The following SLC14A2 variants were observed in gnomAD, a reference collection of about 807,000 sequenced individuals.
SLC14A2 encodes urea transporter 2.
Under a neutral mutation model 104.6 loss-of-function variants are expected in SLC14A2, and 91 were observed. The ratio of observed to expected loss-of-function variants is 0.87; its 90% confidence interval spans 0.73 to 1.04. SLC14A2 has a LOEUF of 1.04. SLC14A2 is among the 50% of genes least tolerant of loss of function. SLC14A2 has a pLI of 0.00. For missense variants in SLC14A2, 1,189 were observed against 1,156.0 expected (o/e 1.03, Z -0.41); for synonymous variants, 476 against 466.4 (o/e 1.02, Z -0.27).
At chr18:45,627,752 CA>C (rs1327825067) in intron 4 of SLC14A2, among the ~76,000 whole-genome samples, 1 of 152,076 alleles carries the variant, frequency 6.6e-6, no homozygotes, top group Non-Finnish European at 1.5e-5. Flanking sequence ...CTCACGCCTA[CA>C]ATCTCAGCAC....
At chr18:45,605,184 C>T (rs1326679731) in intron 2 of SLC14A2, among the ~76,000 whole-genome samples, 1 of 152,206 alleles carries the variant, frequency 6.6e-6, no homozygotes, top group Non-Finnish European at 1.5e-5. Flanking sequence ...ACAAGGACCA[C>T]ATGTGACAGG....
intron 1 of SLC14A2, among the ~76,000 whole-genome samples, chr18:45,265,797 G>T (rs1278418912): frequency 6.6e-6 from 1 of 152,146 alleles, no homozygotes. Flanking sequence ...AGAGTGAGTT[G>T]CCCTGTTGTT....
chr18:45,326,945 C>G (rs1213976151), intron 1 of SLC14A2, among the ~76,000 whole-genome samples: 1 of 152,198 alleles, frequency 6.6e-6, no homozygotes, highest in South Asian at 2.1e-4. Context: ...TAGGACTTCA[C>G]AGAACCAGAC....
At chr18:45,286,129 T>C (rs1350387351) in intron 1 of SLC14A2, among the ~76,000 whole-genome samples, 2 of 152,224 alleles carry the variant, frequency 1.3e-5, no homozygotes, top group Non-Finnish European at 2.9e-5. Flanking sequence ...CACAGTGTAT[T>C]GATCAGGTGC....
intron 2 of SLC14A2, among the ~76,000 whole-genome samples, chr18:45,531,551 G>GT (rs2043687725): frequency 6.6e-6 from 1 of 152,160 alleles, no homozygotes; most frequent in Non-Finnish European, 1.5e-5. Flanking sequence ...GGGATTGTTT[G>GT]TTTTTTTCTT....
chr18:45,276,634 A>G (rs1024297690), intron 1 of SLC14A2, among the ~76,000 whole-genome samples: 7 of 152,238 alleles, frequency 4.6e-5, no homozygotes, highest in African/African-American at 1.4e-4. Flanking sequence ...GACATTACCT[A>G]TGTTAACATT....
chr18:45,255,703 A>G (rs1360864649), intron 1 of SLC14A2, among the ~76,000 whole-genome samples: 1 of 152,118 alleles, frequency 6.6e-6, no homozygotes, highest in Non-Finnish European at 1.5e-5. Context: ...CTGACATTCC[A>G]CAGGTCTGAG....
intron 15 of SLC14A2, among the ~76,000 whole-genome samples, chr18:45,668,903 G>T (rs2046079464): frequency 6.6e-6 from 1 of 152,236 alleles, no homozygotes; most frequent in East Asian, 1.9e-4. Context: ...CCATGGGGAA[G>T]CCCTCAGTGC....
intron 2 of SLC14A2, among the ~76,000 whole-genome samples, chr18:45,597,651 G>A (rs1461900006): frequency 2.6e-5 from 4 of 152,172 alleles, no homozygotes. Context: ...GAGTGAGCTG[G>A]GAGGTCCCTG....
At chr18:45,469,027 T>C (rs1203104788) in intron 1 of SLC14A2, among the ~76,000 whole-genome samples, 3 of 152,140 alleles carry the variant, frequency 2.0e-5, no homozygotes, top group Non-Finnish European at 4.4e-5. Context: ...CAGAGATTTG[T>C]GGCCTGATGG....
rs115530763 is a variant in SLC14A2 at position 45,248,445 on chromosome 18, C to A, written c.-125+35254C>A. Among the ~76,000 whole-genome samples, 722 of 152,226 alleles carry A rather than the reference C, an allele frequency of 4.7e-3. 8 individuals are homozygous for A. Among genetic ancestry groups the A allele is most frequent in the African/African-American group, 0.017 (690 of 41,540 alleles). ...TTGAGCTTGATTATTCTTATCCCAGCATGAAACAGGAGGACTTGGCCTGTT... is the reference window on the plus strand; with the variant it reads ...TTGAGCTTGATTATTCTTATCCCAGAATGAAACAGGAGGACTTGGCCTGTT... On this transcript the variant is annotated intron_variant, in intron 1 of 20. Transcript: ENST00000586448.
chr18:45,225,189 C>T (rs113078241), intron 1 of SLC14A2, among the ~76,000 whole-genome samples: 11,043 of 152,054 alleles, frequency 0.073, 469 homozygotes, highest in African/African-American at 0.11. Flanking sequence ...GGAAGGGATC[C>T]AGTTTCAGCT....
intron 1 of SLC14A2, among the ~76,000 whole-genome samples, chr18:45,617,541 G>A (rs1202163693): frequency 1.3e-5 from 2 of 151,930 alleles, no homozygotes; most frequent in Non-Finnish European, 2.9e-5. Context: ...ATAAAAGCCG[G>A]CACTCAGCCA....
At chr18:45,471,890 T>TTTA (rs1272120518) in intron 1 of SLC14A2, among the ~76,000 whole-genome samples, 2 of 151,318 alleles carry the variant, frequency 1.3e-5, no homozygotes, top group South Asian at 4.2e-4. Flanking sequence ...TAGTTTTTTT[T>TTTA]ATTATACTTT....
chr18:45,301,501 C>A lies in SLC14A2; in HGVS notation c.-125+88310C>A, dbSNP rs962142286. On this transcript the variant is annotated intron_variant, in intron 1 of 20. Coordinates refer to the SLC14A2 transcript ENST00000586448. The stretch of plus-strand genomic sequence containing the variant: ...GTCAGGCCTGTGTCCTGAGGCCCCA[C>A]CTCTCTGTCTTACCCTTTTGCCATA... 3.3e-5 allele frequency among the ~76,000 whole-genome samples: 5 copies of A among 152,172 alleles called. No homozygotes were observed. The East Asian group carries it at 9.6e-4, about 29-fold the overall frequency.
At position 45,533,806 on chromosome 18, in the gene SLC14A2, G is replaced by T. The variant is rs529824130; in HGVS notation, c.-35+50484G>T. Among the ~76,000 whole-genome samples the T allele has an allele frequency of 9.7e-4, 147 of 152,216 alleles. 1 individual carries two copies. Among genetic ancestry groups the T allele is most frequent in the African/African-American group, 3.2e-3 (134 of 41,524 alleles). ...TTGTGATGTTAGGGTGTTAGTTTTA[G>T]ATCTTTCCTGCTTTCTCTTGTGGGC... On this transcript the variant is annotated intron_variant, in intron 2 of 20. Coordinates refer to the SLC14A2 transcript ENST00000586448.
At position 45,215,652 on chromosome 18, in the gene SLC14A2, T is replaced by C. The variant is rs772710439; in HGVS notation, c.-125+2461T>C. Among the ~76,000 whole-genome samples, 4 of 152,348 alleles carry C rather than the reference T, an allele frequency of 2.6e-5. No individual in the cohort carries two copies. The South Asian group carries it at 6.2e-4, about 24-fold the overall frequency. On this transcript the variant is annotated intron_variant, in intron 1 of 20. Coordinates refer to the SLC14A2 transcript ENST00000586448. ...AGAGATGCTCAAACATTTTTGAAGA[T>C]TGAAAACTTCACTTATTACTTCTGT...
At chr18:45,625,603 C>G (rs2045244712) in intron 2 of SLC14A2, 80 bp from the exon 3 acceptor site, 2 of 1,207,392 alleles carry the variant, frequency 1.7e-6, no homozygotes, top group Non-Finnish European at 2.3e-6. Flanking sequence ...ATCAAAAAAC[C>G]TGCCACCCTC....
intron 2 of SLC14A2, among the ~76,000 whole-genome samples, chr18:45,511,431 C>T (rs1295874027): frequency 6.6e-6 from 1 of 152,166 alleles, no homozygotes; most frequent in Non-Finnish European, 1.5e-5. Flanking sequence ...CCCTTGTCCC[C>T]TAAGTCGACT....
Sources: allele counts gnomAD v4.1 joint callset (sites outside exome capture counted in the v4.1 genomes callset), GRCh38; gene constraint gnomAD v4.1.1; transcripts MANE v1.5; gene names NCBI Gene and HGNC (gene_info 2026-07-23, HGNC 2026-07-21).